PSD3: variants seen among roughly 807,000 people sequenced by gnomAD.
The protein encoded by PSD3 is PH and SEC7 domain-containing protein 3.
Under a neutral mutation model 105.5 loss-of-function variants are expected in PSD3, and 49 were observed. The ratio of observed to expected loss-of-function variants is 0.46; its 90% CI spans 0.37 to 0.59. PSD3 has a LOEUF of 0.59. Ranked by LOEUF, PSD3 falls within the 20% of genes least tolerant of loss-of-function variation. The pLI, the probability that PSD3 is intolerant of heterozygous loss-of-function variation, is 0.00. For synonymous variants in PSD3, 557 were observed against 457.8 expected, an observed-to-expected ratio of 1.22 and a Z score of -2.77; for missense variants, 1,561 against 1,263.8, an observed-to-expected ratio of 1.24 and a Z score of -3.57.
intron 2 of PSD3, among the ~76,000 whole-genome samples, chr8:18,898,683 T>A (rs182025354): frequency 6.6e-6 from 1 of 152,152 alleles, no homozygotes; most frequent in East Asian, 1.9e-4. Flanking sequence ...TTTATTTTTA[T>A]AATAAACTAG....
rs1227447229 is a variant in PSD3 at position 18,529,286 on chromosome 8, T to A, written c.*6457A>T. On this transcript the variant is annotated 3_prime_UTR_variant, in exon 16 of 16. Transcript: ENST00000327040. ...TCAAAGTCAGACACTAGAGCTCAGA[T>A]TCCACCCTGGCCCTTGGAAAACATC... The A allele has an allele frequency of 6.6e-6, 1 of 152,238 alleles. No individual in the cohort carries two copies. Among genetic ancestry groups the A allele is most frequent in the African/African-American group, 2.4e-5 (1 of 41,464 alleles). 9.4% of individuals were successfully genotyped at this position (152,238 alleles called of 1,614,324 possible).
At chr8:19,007,738 C>G (rs57965775) in intron 1 of PSD3, among the ~76,000 whole-genome samples, 17,571 of 149,862 alleles carry the variant, frequency 0.12, 1,346 homozygotes, top group African/African-American at 0.2. Context: ...ATGCTTAAAT[C>G]AACAGCATAA....
chr8:18,556,571 G>C (rs1367162695), intron 14 of PSD3, among the ~76,000 whole-genome samples: 6 of 152,060 alleles, frequency 3.9e-5, no homozygotes, highest in Non-Finnish European at 1.5e-5. Context: ...TCTTTAACTA[G>C]GTCCCTTGTC....
At chr8:18,991,323 C>T (rs76114031) in intron 1 of PSD3, among the ~76,000 whole-genome samples, 3,630 of 150,196 alleles carry the variant, frequency 0.024, 139 homozygotes, top group African/African-American at 0.082. Flanking sequence ...GGACAATAAT[C>T]TTGGGCAACA....
At position 18,908,682 on chromosome 8, in the gene PSD3, C is replaced by G. The variant is rs79739122; in HGVS notation, c.130+27352G>C. Among the ~76,000 whole-genome samples the G allele has an allele frequency of 1.8e-4, 27 of 152,284 alleles. 1 individual carries two copies. The East Asian group carries it at 5.2e-3, about 29-fold the overall frequency. On this transcript the variant is annotated intron_variant, in intron 2 of 15. Coordinates refer to ENST00000327040, the MANE Select transcript of PSD3 (RefSeq NM_015310.4). ...AGTCATCTGTTCATGAGATTCGTAC[C>G]AATCATTTGGCACTTAATTACGTAT...
chr8:18,936,284 G>GA, intron 1 of PSD3, 142 bp from the exon 2 acceptor site: 1 of 588,062 alleles, frequency 1.7e-6, no homozygotes, highest in Non-Finnish European at 3.0e-6. Context: ...AATGAAACAT[G>GA]AAAAGTGTAA....
At chr8:18,784,616 G>T (rs533868650) in intron 8 of PSD3, among the ~76,000 whole-genome samples, 4 of 152,210 alleles carry the variant, frequency 2.6e-5, no homozygotes, top group Non-Finnish European at 4.4e-5. Flanking sequence ...ATCTATCTGG[G>T]TTTAATTTAC....
intron 2 of PSD3, among the ~76,000 whole-genome samples, chr8:18,929,886 A>C (rs186846872): frequency 3.1e-4 from 47 of 152,324 alleles, no homozygotes; most frequent in Admixed American, 4.6e-4. Context: ...AGCAGACTGC[A>C]ATGAAAATTG....
chr8:19,036,902 A>C (rs1032574474), intron 1 of PSD3, among the ~76,000 whole-genome samples: 38 of 152,160 alleles, frequency 2.5e-4, no homozygotes, highest in African/African-American at 8.9e-4. Flanking sequence ...ATTTGACTTC[A>C]ACATTAATCT....
At chr8:18,723,096 A>G (rs964621132) in intron 9 of PSD3, among the ~76,000 whole-genome samples, 5 of 152,282 alleles carry the variant, frequency 3.3e-5, no homozygotes, top group Middle Eastern at 3.4e-3. Context: ...CGAACAAACA[A>G]ACCATGCTCC....
At chr8:18,885,305 CA>C (rs199706556) in intron 2 of PSD3, among the ~76,000 whole-genome samples, 1 of 151,582 alleles carries the variant, frequency 6.6e-6, no homozygotes, top group African/African-American at 2.4e-5. Context: ...TTTTAAAAGA[CA>C]AAAAAAAGTT....
At chr8:18,611,162 C>T (rs1265360157) in intron 11 of PSD3, among the ~76,000 whole-genome samples, 2 of 144,844 alleles carry the variant, frequency 1.4e-5, no homozygotes, top group East Asian at 4.1e-4. Context: ...GGAGGTAAAA[C>T]AAGGAGGAGG....
intron 8 of PSD3, among the ~76,000 whole-genome samples, chr8:18,766,442 C>G (rs1037691810): frequency 2.0e-5 from 3 of 152,120 alleles, no homozygotes; most frequent in South Asian, 4.2e-4. Context: ...ATATAAATAG[C>G]AAACTTATAC....
chr8:18,679,390 A>G (rs1800256389), intron 9 of PSD3, among the ~76,000 whole-genome samples: 1 of 152,210 alleles, frequency 6.6e-6, no homozygotes. Context: ...TTAAAAAGCA[A>G]TGGATTAGGC....
intron 11 of PSD3, among the ~76,000 whole-genome samples, chr8:18,608,185 AT>A (rs1335840081): frequency 6.6e-6 from 1 of 152,162 alleles, no homozygotes; most frequent in Non-Finnish European, 1.5e-5. Flanking sequence ...GTGCCACTGG[AT>A]TCTATCCTGG....
At chr8:18,729,310 G>C (rs1022916909) in intron 9 of PSD3, among the ~76,000 whole-genome samples, 3 of 152,172 alleles carry the variant, frequency 2.0e-5, no homozygotes, top group Non-Finnish European at 4.4e-5. Context: ...AGCTCTAAGT[G>C]GTTCTGATTT....
intron 11 of PSD3, among the ~76,000 whole-genome samples, chr8:18,625,898 T>C (rs1806438919): frequency 6.6e-6 from 1 of 152,176 alleles, no homozygotes; most frequent in African/African-American, 2.4e-5. Context: ...TGTTATTGTG[T>C]AGATCATTTA....
At chr8:18,670,355 G>A (rs1291265295) in intron 9 of PSD3, among the ~76,000 whole-genome samples, 1 of 152,166 alleles carries the variant, frequency 6.6e-6, no homozygotes, top group Non-Finnish European at 1.5e-5. Flanking sequence ...GTGCTGGCCG[G>A]GTGACCACTA....
chr8:18,687,799 C>T (rs547473132), intron 9 of PSD3, among the ~76,000 whole-genome samples: 28 of 152,120 alleles, frequency 1.8e-4, no homozygotes, highest in Non-Finnish European at 3.5e-4. Context: ...TGGAGTCTTG[C>T]TCCATCGCCC....
Sources: gnomAD v4.1 joint callset for allele counts (sites outside exome capture counted in the v4.1 genomes callset) on GRCh38, gnomAD v4.1.1 for gene constraint, MANE v1.5 for transcripts, NCBI Gene and HGNC (gene_info 2026-07-23, HGNC 2026-07-21) for gene names.